The following PARP3 variants were observed in gnomAD, a reference collection of about 807,000 sequenced individuals.
PARP3 encodes poly(ADP-ribose) polymerase family member 3, also known as protein mono-ADP-ribosyltransferase PARP3.
PARP3 carries 46 observed loss-of-function variants against 58.2 expected under a neutral mutation model. That is an observed-to-expected ratio of 0.79 (90% CI 0.62 to 1.01). PARP3 has a LOEUF of 1.01. Among genes scored for constraint, PARP3 ranks in the 50% least tolerant of loss-of-function variants. The pLI, the probability that PARP3 is intolerant of heterozygous loss-of-function variation, is 0.00. For synonymous variants in PARP3, 252 were observed against 266.4 expected (o/e 0.95, Z 0.53); for missense variants, 663 against 683.9 (o/e 0.97, Z 0.34).
Position 51,946,009 on chromosome 3 carries a change from C to A in PARP3, c.1098+70C>A, listed in dbSNP as rs1699668669. On this transcript the variant is annotated intron_variant, in intron 8 of 10. Coordinates refer to ENST00000398755, the MANE Select transcript of PARP3 (RefSeq NM_001003931.4). The surrounding 1 kb of genome is among the most constrained non-coding windows in gnomAD (Gnocchi z 4.6). ...AGGAAGATGTCCTTGGCTAATCGGT[C>A]CCTTAGCAAATCGTTTAGCAGCTCT... 3 of 1,452,754 alleles carry A rather than the reference C, an allele frequency of 2.1e-6. No homozygotes were observed. The highest frequency in any genetic ancestry group is 1.2e-5 in the South Asian group (1 of 86,578). The allele number at this position is 1,452,754 out of a possible 1,614,324, so 90.0% of individuals were successfully genotyped here. A position where few individuals can be genotyped will look rare whatever the true frequency, so the allele number is the denominator to read the frequency against.
Position 51,948,601 on chromosome 3 carries a change from A to C in PARP3, c.*121A>C. 2 of 859,282 alleles carry C rather than the reference A, an allele frequency of 2.3e-6. No homozygotes were observed. The highest frequency in any genetic ancestry group is 3.6e-6 in the Non-Finnish European group (2 of 559,372). 53.2% of individuals were successfully genotyped at this position (859,282 alleles called of 1,614,324 possible). A position where few individuals can be genotyped will look rare whatever the true frequency, so the allele number is the denominator to read the frequency against. ...AGAATACAATACGTTGTTGTTAACT[A>C]TAGTCACCATGCTGTACAAGATCCC... On this transcript the variant is annotated 3_prime_UTR_variant, in exon 11 of 11. Transcript: ENST00000398755.
rs1429845114 is a variant in PARP3 at position 51,947,742 on chromosome 3, A to G, written c.1279A>G (p.Ile427Val). ...SENSKSAGYV[I>V]GMKCGAHHVG... The stretch of plus-strand genomic sequence containing the variant: ...CGGTGCCTCCCTGTGTCTTGCAGTT[A>G]TTGGCATGAAGTGTGGGGCCCACCA... The change falls in exon 10 of 11, where the codon ATT becomes GTT. Residue 427 changes from isoleucine to valine, a missense_variant and splice_region_variant. Transcript: ENST00000398755. The G allele has an allele frequency of 3.1e-6, 5 of 1,613,922 alleles. No individual in the cohort carries two copies. Among genetic ancestry groups the G allele is most frequent in the Non-Finnish European group, 3.4e-6 (4 of 1,179,978 alleles).
rs1451432743 is a variant in PARP3, at chr3:51,945,074, G to A, written c.711G>A (p.Glu237=). ...ARGFEALEAL[E]EALKGPTDGG... ...GTTTCGAGGCCTTGGAGGCGCTGGAGGAGGCCCTGAAAGGCCCCACGGATG... is the reference window on the plus strand; with the variant it reads ...GTTTCGAGGCCTTGGAGGCGCTGGAAGAGGCCCTGAAAGGCCCCACGGATG... Residue 237 remains glutamate, a synonymous_variant, in exon 6 of 11, where the codon GAG becomes GAA. Coordinates refer to ENST00000398755, the MANE Select transcript of PARP3 (RefSeq NM_001003931.4). The A allele has an allele frequency of 8.1e-6, 13 of 1,614,068 alleles. No homozygotes were observed. The Admixed American group carries it at 1.7e-4, about 21-fold the overall frequency.
Position 51,944,106 on chromosome 3 carries a change from C to T in PARP3, c.201C>T (p.Asn67=), listed in dbSNP as rs571109511. The T allele has an allele frequency of 6.2e-7, 1 of 1,613,838 alleles. No homozygotes were observed. Among genetic ancestry groups the T allele is most frequent in the Non-Finnish European group, 8.5e-7 (1 of 1,179,908 alleles). ...NPGTQVYEDY[N]CTLNQTNIEN... is the part of the protein sequence containing the mutation. ...TGGCCCAGGTGTATGAGGACTACAA[C>T]TGCACCCTGAACCAGACCAACATCG... The change falls in exon 3 of 11, where the codon AAC becomes AAT. Residue 67 remains asparagine (N), a synonymous_variant. Coordinates refer to ENST00000398755, the MANE Select transcript of PARP3 (RefSeq NM_001003931.4). This position sits in a 1 kb window ranked among gnomAD's most constrained non-coding sequence, Gnocchi z 4.2.
In PARP3 at chr3:51,944,159, T is replaced by C. The variant is rs1699613377; in HGVS notation, c.254T>C (p.Ile85Thr). The change falls in exon 3 of 11, where the codon ATC (isoleucine) becomes ACC (threonine). Residue 85 changes from isoleucine (I) to threonine (T), a missense_variant. Physicochemically the swap from Ile to Thr is moderately conservative, Grantham distance 89 (BLOSUM62 -1). Coordinates refer to ENST00000398755, the MANE Select transcript of PARP3 (RefSeq NM_001003931.4). The surrounding 1 kb of genome is among the most constrained non-coding windows in gnomAD (Gnocchi z 4.2). ...IENNNNKFYI[I>T]QLLQDSNRFF... is the part of the protein sequence containing the mutation. ...AACAACAACAACAAGTTCTACATCA[T>C]CCAGCTGCTCCAAGACAGCAACCGC... The C allele has an allele frequency of 6.2e-7, 1 of 1,613,584 alleles. No individual in the cohort carries two copies. The highest frequency in any genetic ancestry group is 1.1e-5 in the South Asian group (1 of 91,058).
In PARP3 at chr3:51,944,133, G is replaced by GAAC. The variant is rs757924755; in HGVS notation, c.240_242dup (p.Asn80dup). On this transcript the variant is annotated inframe_insertion, in exon 3 of 11. Transcript: ENST00000398755. The surrounding 1 kb of genome is among the most constrained non-coding windows in gnomAD (Gnocchi z 4.2). ...GCACCCTGAACCAGACCAACATCGAGAACAACAACAACAAGTTCTACATCA... is the reference window on the plus strand; with the variant it reads ...GCACCCTGAACCAGACCAACATCGAGAACAACAACAACAACAAGTTCTACATCA... The GAAC allele has an allele frequency of 3.1e-6, 5 of 1,613,586 alleles. No homozygotes were observed. The highest frequency in any genetic ancestry group is 3.4e-6 in the Non-Finnish European group (4 of 1,179,864).
chr3:51,942,415 A>G lies in PARP3; in HGVS notation c.-296A>G, dbSNP rs2106684795. 1.8e-6 allele frequency: 1 copy of G among 570,514 alleles called. No individual in the cohort carries two copies. Among genetic ancestry groups the G allele is most frequent in the Non-Finnish European group, 3.2e-6 (1 of 314,922 alleles). 35.3% of individuals were successfully genotyped at this position (570,514 alleles called of 1,614,324 possible). On this transcript the variant is annotated 5_prime_UTR_variant, in exon 1 of 11. Coordinates refer to ENST00000398755, the MANE Select transcript of PARP3 (RefSeq NM_001003931.4). Reference sequence around the variant, plus strand: ...AGGCCCCGGCCACATGAGCAGCGCTACGGACGCGACTGCCCCGGCCTTGGA... The same window carrying G: ...AGGCCCCGGCCACATGAGCAGCGCTGCGGACGCGACTGCCCCGGCCTTGGA...
rs762725559 is a variant in PARP3 at position 51,944,370 on chromosome 3, C to G, written c.313-20C>G. The G allele has an allele frequency of 7.7e-5, 124 of 1,613,290 alleles. No individual in the cohort carries two copies. In the South Asian group the frequency reaches 1.3e-3, roughly 17 times the overall value. On this transcript the variant is annotated intron_variant, in intron 3 of 10. Coordinates refer to ENST00000398755, the MANE Select transcript of PARP3 (RefSeq NM_001003931.4). The surrounding 1 kb of genome is among the most constrained non-coding windows in gnomAD (Gnocchi z 4.2). ...GCAAATGCTGATGGTGGGCATACCC[C>G]TGAAGGCTGTCGGTTGCAGGGAGAG... is the stretch of plus-strand genomic sequence containing the variant.
At chr3:51,945,321 A>G (rs1410889633) in intron 6 of PARP3, 97 bp downstream of exon 6, 4 of 1,381,878 alleles carry the variant, frequency 2.9e-6, no homozygotes, top group Non-Finnish European at 4.0e-6. Context: ...GCCCAGAAGG[A>G]TGGACTGCCT....
intron 9 of PARP3, among the ~76,000 whole-genome samples, chr3:51,947,328 G>A (rs1699703471): frequency 6.6e-6 from 1 of 152,218 alleles, no homozygotes; most frequent in Non-Finnish European, 1.5e-5. Context: ...GGATGCCTGA[G>A]GTCACCAAGA....
chr3:51,944,509 G>A lies in PARP3; in HGVS notation c.432G>A (p.Val144=). The A allele has an allele frequency of 6.2e-7, 1 of 1,614,206 alleles. No individual in the cohort carries two copies. Among genetic ancestry groups the A allele is most frequent in the Non-Finnish European group, 8.5e-7 (1 of 1,180,044 alleles). Residue 144 remains valine, a synonymous_variant, in exon 4 of 11, where the codon GTG becomes GTA. Coordinates refer to ENST00000398755, the MANE Select transcript of PARP3 (RefSeq NM_001003931.4). This position sits in a 1 kb window ranked among gnomAD's most constrained non-coding sequence, Gnocchi z 4.2. ...KNNWAERDHF[V]SHPGKYTLIE... ...ACTGGGCAGAGCGGGACCACTTTGT[G>A]TCTCACCCGGGCAAGTACACACTTA...
Position 51,944,404 on chromosome 3 carries a change from G to C in PARP3, c.327G>C (p.Gln109His). ...GTCGGTTGCAGGGAGAGGTCGGCCA[G>C]TCAAAGATCAACCACTTCACAAGGC... ...NRWGRVGEVGQSKINHFTRLE... is the reference protein window; with the variant it reads ...NRWGRVGEVGHSKINHFTRLE... The change falls in exon 4 of 11, where the codon CAG becomes CAC. Residue 109 changes from glutamine to histidine, a missense_variant. Around this residue, in one of 3 missense-constraint regions of PARP3, gnomAD observed 567 missense variants for 553.6 expected, o/e 1.02. Coordinates refer to ENST00000398755, the MANE Select transcript of PARP3 (RefSeq NM_001003931.4). The surrounding 1 kb of genome is among the most constrained non-coding windows in gnomAD (Gnocchi z 4.2). 2 of 1,613,896 alleles carry C rather than the reference G, an allele frequency of 1.2e-6. No individual in the cohort carries two copies. Among genetic ancestry groups the C allele is most frequent in the Non-Finnish European group, 1.7e-6 (2 of 1,180,040 alleles).
chr3:51,942,506 G>C lies in PARP3; in HGVS notation c.-205G>C. 1 of 681,850 alleles carries C rather than the reference G, an allele frequency of 1.5e-6. No individual in the cohort carries two copies. Among genetic ancestry groups the C allele is most frequent in the Non-Finnish European group, 2.7e-6 (1 of 368,312 alleles). 42.2% of individuals were successfully genotyped at this position (681,850 alleles called of 1,614,324 possible). On this transcript the variant is annotated 5_prime_UTR_variant, in exon 1 of 11. Transcript: ENST00000398755. ...CCTGACTCGGCCTGCCCCAGCCTCT[G>C]CTTCACCCCACTGGTGGCCAAATAG...
At position 51,944,743 on chromosome 3, in the gene PARP3, C is replaced by T. The variant is rs777737204; in HGVS notation, c.502-35C>T. 1.1e-5 allele frequency: 17 copies of T among 1,588,688 alleles called. No homozygotes were observed. Among genetic ancestry groups the T allele is most frequent in the Admixed American group, 5.4e-5 (3 of 55,898 alleles). Reference sequence around the variant, plus strand: ...CTCTGTCTGGTGTCACGCCCTGCCCCGCTGCTCCTGCCCACATGTGCCCTC... The same window carrying T: ...CTCTGTCTGGTGTCACGCCCTGCCCTGCTGCTCCTGCCCACATGTGCCCTC... On this transcript the variant is annotated intron_variant, in intron 4 of 10. Transcript: ENST00000398755. The surrounding 1 kb of genome is among the most constrained non-coding windows in gnomAD (Gnocchi z 4.2).
rs1393535719 is a variant in PARP3, at chr3:51,944,323, G to T, written c.313-67G>T. 1 of 1,606,336 alleles carries T rather than the reference G, an allele frequency of 6.2e-7. No individual in the cohort carries two copies. The highest frequency in any genetic ancestry group is 2.2e-5 in the East Asian group (1 of 44,862). On this transcript the variant is annotated intron_variant, in intron 3 of 10. Coordinates refer to ENST00000398755, the MANE Select transcript of PARP3 (RefSeq NM_001003931.4). This position sits in a 1 kb window ranked among gnomAD's most constrained non-coding sequence, Gnocchi z 4.2. ...ACTGTCCCAGGGCACTCAGCACAGGGCCTGGCCCGACACACAGGCCAGCAA... is the reference window on the plus strand; with the variant it reads ...ACTGTCCCAGGGCACTCAGCACAGGTCCTGGCCCGACACACAGGCCAGCAA...
intron 7 of PARP3, 66 bp downstream of exon 7, chr3:51,945,710 G>T (rs1358408073): frequency 3.2e-6 from 5 of 1,564,026 alleles, no homozygotes; most frequent in Non-Finnish European, 4.4e-6. Flanking sequence ...ACCTGCCCTC[G>T]AGGTGCCCAG....
Position 51,947,765 on chromosome 3 carries a change from C to T in PARP3, c.1302C>T (p.His434=), listed in dbSNP as rs1273500281. 6.2e-7 allele frequency: 1 copy of T among 1,614,046 alleles called. No individual in the cohort carries two copies. The highest frequency in any genetic ancestry group is 1.3e-5 in the African/African-American group (1 of 74,918). The change falls in exon 10 of 11, where the codon CAC becomes CAT. Residue 434 remains histidine (H), a synonymous_variant. Coordinates refer to ENST00000398755, the MANE Select transcript of PARP3 (RefSeq NM_001003931.4). ...GYVIGMKCGA[H]HVGYMFLGEV... ...TTATTGGCATGAAGTGTGGGGCCCA[C>T]CATGTCGGCTACATGTTCCTGGGTG...
intron 7 of PARP3, 52 bp from the exon 8 acceptor site, chr3:51,945,801 G>A (rs975315317): frequency 7.7e-5 from 120 of 1,554,424 alleles, no homozygotes; most frequent in Non-Finnish European, 1.0e-4. Context: ...AAAAATGGGG[G>A]ATTAGCTCCT....
chr3:51,943,336 C>G lies in PARP3; in HGVS notation c.-2-18C>G, dbSNP rs766852788. 5.2e-6 allele frequency: 8 copies of G among 1,550,660 alleles called. No homozygotes were observed. The Admixed American group carries it at 1.6e-4, about 32-fold the overall frequency. ...GGAGACCATGGAGGCCTAAGGGCCTCTCTGTGCCCCAGGACAGCCATGGCT... is the reference window on the plus strand; with the variant it reads ...GGAGACCATGGAGGCCTAAGGGCCTGTCTGTGCCCCAGGACAGCCATGGCT... On this transcript the variant is annotated intron_variant, in intron 1 of 10. Transcript: ENST00000398755.
Sources: gnomAD v4.1 joint callset for allele counts (sites outside exome capture counted in the v4.1 genomes callset) on GRCh38, gnomAD v4.1.1 for gene constraint, gnomAD v4.1.1 regional missense constraint, Gnocchi (gnomAD v3.1) non-coding constraint, MANE v1.5 for transcripts, NCBI Gene and HGNC (gene_info 2026-07-23, HGNC 2026-07-21) for gene names.